Variants in CXADR observed in about 807,000 individuals in gnomAD.
CXADR encodes the protein CXADR cell adhesion molecule.
CXADR carries 20 observed loss-of-function variants against 40.3 expected under a neutral mutation model. That is an observed-to-expected ratio of 0.50 (90% CI 0.35 to 0.72). The LOEUF (loss-of-function observed/expected upper bound fraction) is 0.72, where lower values mean the gene tolerates loss of function less well. Among genes scored for constraint, CXADR ranks in the 30% least tolerant of loss-of-function variants. The pLI is 0.01. For synonymous variants in CXADR, 150 were observed against 161.3 expected (o/e 0.93, Z 0.53); for missense variants, 332 against 449.1 (o/e 0.74, Z 2.36).
intron 1 of CXADR, chr21:17,518,561 C>T (rs1005472599): frequency 8.4e-7 from 1 of 1,192,994 alleles, no homozygotes; most frequent in Admixed American, 1.7e-5. Context: ...AAATTTTCTA[C>T]AAGATCGGGA....
rs59350424 is a variant in CXADR, at chr21:17,531,937, G to GTTT, written c.44-15078_44-15076dup. Among the ~76,000 whole-genome samples the GTTT allele has an allele frequency of 5.1e-3, 720 of 140,902 alleles. 10 individuals are homozygous for GTTT. The highest frequency in any genetic ancestry group is 0.017 in the African/African-American group (654 of 38,156). The allele number at this position is 140,902 out of a possible 152,430, so 92.4% of individuals were successfully genotyped here. A position where few individuals can be genotyped will look rare whatever the true frequency, so the allele number is the denominator to read the frequency against. ...CTTATTCCTGATATTTGTTTTTTGGGTTTTTTTTTTTTTTGGTGGTGGGGG... is the reference window on the plus strand; with the variant it reads ...CTTATTCCTGATATTTGTTTTTTGGGTTTTTTTTTTTTTTTTTGGTGGTGGGGG... On this transcript the variant is annotated intron_variant, in intron 1 of 6. Coordinates refer to ENST00000284878, the MANE Select transcript of CXADR (RefSeq NM_001338.5).
chr21:17,536,100 T>C (rs1362781719), intron 1 of CXADR, among the ~76,000 whole-genome samples: 1 of 152,232 alleles, frequency 6.6e-6, no homozygotes, highest in Non-Finnish European at 1.5e-5. Context: ...AGAAGAATCA[T>C]GTATCAGTGT....
chr21:17,581,231 C>T (rs920592066), intron 7 of CXADR, among the ~76,000 whole-genome samples: 1 of 151,994 alleles, frequency 6.6e-6, no homozygotes. Context: ...TAATCCCATC[C>T]TTTTGGTATA....
chr21:17,534,060 C>CACATATATATATCTA (rs2060716305), intron 1 of CXADR, among the ~76,000 whole-genome samples: 1 of 47,144 alleles, frequency 2.1e-5, no homozygotes, highest in Non-Finnish European at 4.9e-5. Flanking sequence ...ATATATATAG[C>CACATATATATATCTA]TATATATATA....
At chr21:17,587,187 C>T (rs551020645) in intron 7 of CXADR, among the ~76,000 whole-genome samples, 83 of 152,198 alleles carry the variant, frequency 5.5e-4, no homozygotes, top group African/African-American at 1.8e-3. Context: ...TGAATAGTGC[C>T]GCAATAAACC....
At chr21:17,564,046 GTATC>G (rs1420000338) in intron 6 of CXADR, among the ~76,000 whole-genome samples, 6 of 150,798 alleles carry the variant, frequency 4.0e-5, no homozygotes, top group Non-Finnish European at 8.9e-5. Flanking sequence ...AATGCAGTAA[GTATC>G]TATGAAGTGT....
At chr21:17,562,002 G>A (rs1317765495) in intron 6 of CXADR, among the ~76,000 whole-genome samples, 1 of 152,130 alleles carries the variant, frequency 6.6e-6, no homozygotes, top group East Asian at 1.9e-4. Context: ...CTGGACACTT[G>A]TACAGGCACA....
Position 17,586,153 on chromosome 21 carries a change from G to T in CXADR, c.1018-6999G>T, listed in dbSNP as rs189281979. ...AATTTATAGTTCCCTCGTCATTAGTGTGCCATTGTCTTATCTTTTAATATT... is the reference window on the plus strand; with the variant it reads ...AATTTATAGTTCCCTCGTCATTAGTTTGCCATTGTCTTATCTTTTAATATT... On this transcript the variant is annotated intron_variant, in intron 7 of 7. Transcript: ENST00000400169. Among the ~76,000 whole-genome samples, 9 of 152,034 alleles carry T rather than the reference G, an allele frequency of 5.9e-5. No individual in the cohort carries two copies. The East Asian group carries it at 1.7e-3, about 29-fold the overall frequency.
Position 17,561,469 on chromosome 21 carries a change from G to A in CXADR, c.826G>A (p.Asp276Asn), listed in dbSNP as rs372788152. The A allele has an allele frequency of 6.8e-6, 11 of 1,605,962 alleles. No homozygotes were observed. Among genetic ancestry groups the A allele is most frequent in the South Asian group, 1.1e-5 (1 of 89,368 alleles). ...AAAATATGAAAAGGAAGTTCATCAC[G>A]ATATCAGGTAATTAAGTGAGACAGG... is the stretch of plus-strand genomic sequence containing the variant. ...EEKYEKEVHHDIREDVPPPKS... is the reference protein window; with the variant it reads ...EEKYEKEVHHNIREDVPPPKS... Residue 276 changes from aspartate (D) to asparagine (N), a missense_variant, in exon 6 of 7, where the codon GAT (aspartate) becomes AAT (asparagine). Asp to Asn is a conservative substitution (Grantham distance 23). Around this residue, in one of 3 missense-constraint regions of CXADR, gnomAD observed 150 missense variants for 194.2 expected, o/e 0.77. Coordinates refer to ENST00000284878, the MANE Select transcript of CXADR (RefSeq NM_001338.5).
In CXADR at chr21:17,567,002, A is replaced by G. The variant is rs1455221268; in HGVS notation, c.*1310A>G. Reference sequence around the variant, plus strand: ...GATAAGAAGGAGGAGTAAAGGGACTACTCCTCCTTGCCAAATGTGCTAAAT... The same window carrying G: ...GATAAGAAGGAGGAGTAAAGGGACTGCTCCTCCTTGCCAAATGTGCTAAAT... On this transcript the variant is annotated 3_prime_UTR_variant, in exon 7 of 7. Coordinates refer to ENST00000284878, the MANE Select transcript of CXADR (RefSeq NM_001338.5). 4.1e-6 allele frequency: 4 copies of G among 979,978 alleles called. No homozygotes were observed. The highest frequency in any genetic ancestry group is 6.2e-5 in the Admixed American group (1 of 16,236). 60.7% of individuals were successfully genotyped at this position (979,978 alleles called of 1,614,324 possible).
chr21:17,628,290 G>T, the CXADR span, among the ~76,000 whole-genome samples: 2 of 152,302 alleles, frequency 1.3e-5, no homozygotes, highest in Non-Finnish European at 2.9e-5. Flanking sequence ...TGGCTCACAC[G>T]ATTATGAAAG....
At chr21:17,590,856 C>T (rs2824382) in intron 7 of CXADR, among the ~76,000 whole-genome samples, 2 of 152,022 alleles carry the variant, frequency 1.3e-5, no homozygotes, top group South Asian at 4.1e-4. Flanking sequence ...TCAGTCTTCA[C>T]TCTACTGGGT....
At chr21:17,570,540 A>G (rs2061269593), downstream of CXADR, among the ~76,000 whole-genome samples, 1 of 152,318 alleles carries the variant, frequency 6.6e-6, no homozygotes, top group African/African-American at 2.4e-5. Flanking sequence ...CATGACAGAA[A>G]GGAGGAAAGG....
intron 1 of CXADR, among the ~76,000 whole-genome samples, chr21:17,532,007 TCA>T (rs1177193209): frequency 1.3e-5 from 2 of 151,354 alleles, no homozygotes; most frequent in Non-Finnish European, 2.9e-5. Flanking sequence ...AGTGATGCAG[TCA>T]CAACTCACTG....
At chr21:17,564,757 C>A (rs1292041755) in intron 6 of CXADR, among the ~76,000 whole-genome samples, 1 of 151,816 alleles carries the variant, frequency 6.6e-6, no homozygotes, top group Non-Finnish European at 1.5e-5. Flanking sequence ...TTTTTTGAGA[C>A]AGAGTCTCAC....
chr21:17,620,042 A>G, the CXADR span, among the ~76,000 whole-genome samples: 1 of 152,174 alleles, frequency 6.6e-6, no homozygotes, highest in Non-Finnish European at 1.5e-5. Context: ...CAGCAATATC[A>G]TGCTATCTTA....
intron 5 of CXADR, among the ~76,000 whole-genome samples, chr21:17,561,040 C>T (rs980460930): frequency 6.6e-6 from 1 of 152,148 alleles, no homozygotes; most frequent in Non-Finnish European, 1.5e-5. Flanking sequence ...CAAATCAACC[C>T]TTGTACCATA....
the CXADR span, among the ~76,000 whole-genome samples, chr21:17,600,649 T>C: frequency 6.6e-6 from 1 of 151,930 alleles, no homozygotes. Context: ...GGTGAGACCC[T>C]GTCTCTCAAA....
chr21:17,634,884 T>C, the CXADR span, among the ~76,000 whole-genome samples: 1 of 152,140 alleles, frequency 6.6e-6, no homozygotes, highest in Non-Finnish European at 1.5e-5. Context: ...GCATCCTGAG[T>C]AGTTAGAACT....
Sources: allele counts gnomAD v4.1 joint callset (sites outside exome capture counted in the v4.1 genomes callset), GRCh38; gene constraint gnomAD v4.1.1; regional missense constraint gnomAD v4.1.1; transcripts MANE v1.5; gene names NCBI Gene and HGNC (gene_info 2026-07-23, HGNC 2026-07-21).